Variants in CAMKMT observed in about 807,000 individuals in gnomAD.
CAMKMT encodes the protein CaM KMT.
CAMKMT carries 53 observed loss-of-function variants against 48.0 expected under a neutral mutation model. The ratio of observed to expected loss-of-function variants is 1.10; its 90% CI spans 0.89 to 1.39. The LOEUF (loss-of-function observed/expected upper bound fraction) is 1.39. Among genes scored for constraint, CAMKMT ranks in the 40% most tolerant of loss-of-function variants. The pLI is 0.00. For missense variants in CAMKMT, 428 were observed against 402.7 expected (o/e 1.06, Z -0.54); for synonymous variants, 165 against 152.3 (o/e 1.08, Z -0.61).
intron 3 of CAMKMT, among the ~76,000 whole-genome samples, chr2:44,651,964 A>T (rs1050934986): frequency 1.3e-5 from 2 of 152,230 alleles, no homozygotes; most frequent in Non-Finnish European, 2.9e-5. Context: ...GATTATTCTA[A>T]TGTGAAAAAG....
intron 3 of CAMKMT, among the ~76,000 whole-genome samples, chr2:44,550,126 G>A (rs189948813): frequency 2.0e-5 from 3 of 152,260 alleles, no homozygotes; most frequent in East Asian, 1.9e-4. Flanking sequence ...GCCACTGGGC[G>A]TGGTGATTCA....
At chr2:44,393,716 G>A (rs774785638) in intron 3 of CAMKMT, among the ~76,000 whole-genome samples, 1 of 152,150 alleles carries the variant, frequency 6.6e-6, no homozygotes, top group African/African-American at 2.4e-5. Context: ...GGCTGCTTCT[G>A]TGTCTCCTTT....
In CAMKMT at chr2:44,657,959, T is replaced by C. The variant is rs1483976137; in HGVS notation, c.377-46324T>C. On this transcript the variant is annotated intron_variant, in intron 3 of 10. Coordinates refer to ENST00000378494, the MANE Select transcript of CAMKMT (RefSeq NM_024766.5). The surrounding 1 kb of genome is among the most constrained non-coding windows in gnomAD (Gnocchi z 4.3). ...TTTTTATATAAAATAATGGTATCTC[T>C]CTCCTCAAATTATTTTTCACACAGA... Among the ~76,000 whole-genome samples, 3 of 152,204 alleles carry C rather than the reference T, an allele frequency of 2.0e-5. No individual in the cohort carries two copies. Among genetic ancestry groups the C allele is most frequent in the African/African-American group, 4.8e-5 (2 of 41,458 alleles).
At chr2:44,767,788 C>A (rs886235217) in intron 10 of CAMKMT, among the ~76,000 whole-genome samples, 5 of 152,164 alleles carry the variant, frequency 3.3e-5, no homozygotes, top group Non-Finnish European at 7.4e-5. Context: ...TCCCTCCTGG[C>A]TCCCTGGACT....
At chr2:44,603,140 G>A (rs6718321) in intron 3 of CAMKMT, among the ~76,000 whole-genome samples, 1 of 151,936 alleles carries the variant, frequency 6.6e-6, no homozygotes. Flanking sequence ...CCAGGCTGGA[G>A]TGCAGCAGCA....
intron 7 of CAMKMT, among the ~76,000 whole-genome samples, chr2:44,735,489 T>C (rs577844655): frequency 7.2e-5 from 11 of 152,348 alleles, no homozygotes; most frequent in African/African-American, 2.6e-4. Flanking sequence ...TTATCTCCTT[T>C]GTTGGCTTAT....
At chr2:44,380,884 G>C (rs867756306) in intron 2 of CAMKMT, among the ~76,000 whole-genome samples, 2 of 151,972 alleles carry the variant, frequency 1.3e-5, no homozygotes, top group Non-Finnish European at 2.9e-5. Flanking sequence ...GCTTTCGGCC[G>C]GGCATGGTGG....
chr2:44,401,430 G>C (rs180866573), intron 3 of CAMKMT, among the ~76,000 whole-genome samples: 1 of 151,978 alleles, frequency 6.6e-6, no homozygotes, highest in African/African-American at 2.4e-5. Context: ...GGTGGCGGAC[G>C]CCTGTAGTCT....
At chr2:44,631,876 G>T (rs188852650) in intron 3 of CAMKMT, among the ~76,000 whole-genome samples, 20 of 151,976 alleles carry the variant, frequency 1.3e-4, no homozygotes, top group African/African-American at 4.8e-4. Context: ...GAATTTAGGT[G>T]TTCCCTAAGG....
At chr2:44,500,892 G>C (rs985466684) in intron 3 of CAMKMT, among the ~76,000 whole-genome samples, 6 of 151,838 alleles carry the variant, frequency 4.0e-5, no homozygotes, top group African/African-American at 1.5e-4. Context: ...ATGTTGACCA[G>C]ACTGGTCTTG....
chr2:44,542,710 G>A (rs1572757123), intron 3 of CAMKMT, among the ~76,000 whole-genome samples: 2 of 152,312 alleles, frequency 1.3e-5, no homozygotes, highest in East Asian at 3.9e-4. Flanking sequence ...TTTCCTGGAA[G>A]AGGCAGAACC....
chr2:44,598,028 C>G (rs767715952), intron 3 of CAMKMT, among the ~76,000 whole-genome samples: 1 of 151,258 alleles, frequency 6.6e-6, no homozygotes, highest in African/African-American at 2.5e-5. Flanking sequence ...AGCCACCGCA[C>G]CCAGCCTATG....
At chr2:44,663,898 A>G (rs954827354) in intron 3 of CAMKMT, among the ~76,000 whole-genome samples, 1 of 152,144 alleles carries the variant, frequency 6.6e-6, no homozygotes, top group Admixed American at 6.6e-5. Flanking sequence ...GGGGGAAGAT[A>G]AATAAGATAA....
At chr2:44,531,790 T>C (rs1204898704) in intron 3 of CAMKMT, among the ~76,000 whole-genome samples, 1 of 152,196 alleles carries the variant, frequency 6.6e-6, no homozygotes, top group Non-Finnish European at 1.5e-5. Context: ...CTTGGTTATA[T>C]ACAGATTCCT....
chr2:44,587,556 G>A (rs1006224967), intron 3 of CAMKMT, among the ~76,000 whole-genome samples: 3 of 138,856 alleles, frequency 2.2e-5, no homozygotes, highest in African/African-American at 5.4e-5. Flanking sequence ...CTGCCATCTC[G>A]GCTCACTGCA....
At chr2:44,504,215 T>A (rs1315121578) in intron 3 of CAMKMT, among the ~76,000 whole-genome samples, 2 of 152,040 alleles carry the variant, frequency 1.3e-5, no homozygotes, top group Non-Finnish European at 2.9e-5. Context: ...CCAGAACTCA[T>A]CTGTGTTATG....
intron 3 of CAMKMT, among the ~76,000 whole-genome samples, chr2:44,662,030 G>A (rs1212541388): frequency 6.6e-6 from 1 of 152,198 alleles, no homozygotes; most frequent in Non-Finnish European, 1.5e-5. Flanking sequence ...CAACCCTCAT[G>A]ATTTGGGACA....
At chr2:44,686,737 A>G (rs1269713973) in intron 3 of CAMKMT, among the ~76,000 whole-genome samples, 1 of 152,252 alleles carries the variant, frequency 6.6e-6, no homozygotes, top group African/African-American at 2.4e-5. Flanking sequence ...TATCCTGAGA[A>G]GCTGATGACT....
chr2:44,627,353 A>G (rs1672538736), intron 3 of CAMKMT, among the ~76,000 whole-genome samples: 1 of 152,074 alleles, frequency 6.6e-6, no homozygotes, highest in African/African-American at 2.4e-5. Flanking sequence ...GTTTTATTAT[A>G]GTTTCTTTTT....
Sources: allele counts gnomAD v4.1 joint callset (sites outside exome capture counted in the v4.1 genomes callset), GRCh38; gene constraint gnomAD v4.1.1; non-coding constraint Gnocchi (gnomAD v3.1); transcripts MANE v1.5; gene names NCBI Gene and HGNC (gene_info 2026-07-23, HGNC 2026-07-21).